Variants in LEPR observed in about 807,000 individuals in gnomAD.
LEPR encodes leptin receptor.
A neutral mutation model predicts 114.7 loss-of-function variants in LEPR; 56 were observed. That is an observed-to-expected ratio of 0.49 (90% confidence interval 0.39 to 0.61). The LOEUF is 0.61. LEPR is among the 20% of genes least tolerant of loss of function. The pLI is 0.00. For missense variants in LEPR, 1,202 were observed against 1,352.9 expected, an observed-to-expected ratio of 0.89 and a Z score of 1.75; for synonymous variants, 443 against 461.4, an observed-to-expected ratio of 0.96 and a Z score of 0.51.
intron 2 of LEPR, among the ~76,000 whole-genome samples, chr1:65,549,122 T>C (rs1652051803): frequency 6.6e-6 from 1 of 151,660 alleles, no homozygotes; most frequent in South Asian, 2.1e-4. Flanking sequence ...TCTTTAAGAA[T>C]GTTGAATATT....
intron 1 of LEPR, among the ~76,000 whole-genome samples, chr1:65,422,599 A>G (rs976444172): frequency 1.3e-5 from 2 of 152,248 alleles, no homozygotes; most frequent in African/African-American, 4.8e-5. Context: ...GCGATGCTTG[A>G]ACTGAATCTG....
intron 2 of LEPR, chr1:65,433,976 C>T (rs1646523192): frequency 3.0e-6 from 3 of 985,300 alleles, no homozygotes; most frequent in South Asian, 9.4e-5. Context: ...TGTGCAATAG[C>T]TTTTCTTTCT....
chr1:65,532,922 A>G (rs554671299), intron 2 of LEPR, among the ~76,000 whole-genome samples: 87 of 152,300 alleles, frequency 5.7e-4, no homozygotes, highest in African/African-American at 1.7e-3. Context: ...GCTCTGTTAG[A>G]TACATTCACT....
At chr1:65,556,219 A>G (rs908443658) in intron 2 of LEPR, among the ~76,000 whole-genome samples, 4 of 152,148 alleles carry the variant, frequency 2.6e-5, no homozygotes, top group Non-Finnish European at 5.9e-5. Flanking sequence ...ATCTGCTGGC[A>G]TGTTGATCTT....
intron 4 of LEPR, 30 bp from the exon 5 acceptor site, chr1:65,572,287 GTTGTTTTTT>G: frequency 3.1e-6 from 3 of 975,502 alleles, no homozygotes; most frequent in Non-Finnish European, 4.0e-6. Context: ...ATTTCATGTA[GTTGTTTTTT>G]TTTTTTTTTT....
intron 5 of LEPR, among the ~76,000 whole-genome samples, chr1:65,574,953 G>A (rs138144397): frequency 6.6e-6 from 1 of 152,168 alleles, no homozygotes; most frequent in East Asian, 1.9e-4. Context: ...TTGAAGAAAG[G>A]ACCCGGAAGA....
chr1:65,600,182 C>T (rs929903034), intron 8 of LEPR, among the ~76,000 whole-genome samples: 7 of 151,946 alleles, frequency 4.6e-5, no homozygotes, highest in Admixed American at 2.0e-4. Context: ...GAGGTTGTGG[C>T]GCATACTGAA....
chr1:65,623,043 C>A (rs1215519250), intron 19 of LEPR, 62 bp downstream of exon 19: 12 of 1,481,362 alleles, frequency 8.1e-6, no homozygotes, highest in Non-Finnish European at 1.0e-5. Context: ...CGCCATATGA[C>A]TTATAGAGCA....
At chr1:65,498,421 T>A (rs1180265482) in intron 2 of LEPR, among the ~76,000 whole-genome samples, 1 of 152,136 alleles carries the variant, frequency 6.6e-6, no homozygotes, top group Non-Finnish European at 1.5e-5. Context: ...GAAATTACTT[T>A]TTTTTTCTGT....
intron 18 of LEPR, 56 bp downstream of exon 18, chr1:65,621,514 C>A: frequency 6.9e-7 from 1 of 1,440,934 alleles, no homozygotes; most frequent in Non-Finnish European, 9.7e-7. Flanking sequence ...CGTATTCAAA[C>A]CCTGATTTAA....
chr1:65,603,413 G>T (rs1359208895), intron 10 of LEPR, among the ~76,000 whole-genome samples: 5 of 151,994 alleles, frequency 3.3e-5, no homozygotes, highest in Admixed American at 6.6e-5. Flanking sequence ...AAAAGAAGTG[G>T]TATAGAAAAT....
chr1:65,442,917 G>A (rs1463546578), intron 2 of LEPR, among the ~76,000 whole-genome samples: 2 of 152,040 alleles, frequency 1.3e-5, no homozygotes, highest in Non-Finnish European at 2.9e-5. Flanking sequence ...GGAGCCTGAG[G>A]ATCCTGAATC....
intron 2 of LEPR, among the ~76,000 whole-genome samples, chr1:65,538,826 C>T (rs537804336): frequency 6.6e-6 from 1 of 151,834 alleles, no homozygotes; most frequent in African/African-American, 2.4e-5. Flanking sequence ...GCCTGGTAGC[C>T]ATATTTTTCA....
chr1:65,579,721 C>A (rs1473210031), intron 5 of LEPR, among the ~76,000 whole-genome samples: 1 of 152,036 alleles, frequency 6.6e-6, no homozygotes, highest in Non-Finnish European at 1.5e-5. Context: ...AGTTTTAAAG[C>A]CCCGTGAATA....
intron 1 of LEPR, 78 bp from the exon 2 acceptor site, chr1:65,425,225 C>T (rs995479031): frequency 1.1e-5 from 13 of 1,226,930 alleles, no homozygotes; most frequent in Non-Finnish European, 1.3e-5. Context: ...TTAGAAGTCA[C>T]TCCCCATTTC....
At chr1:65,502,832 T>C (rs1472236463) in intron 2 of LEPR, among the ~76,000 whole-genome samples, 2 of 149,994 alleles carry the variant, frequency 1.3e-5, no homozygotes, top group African/African-American at 4.9e-5. Flanking sequence ...CCAGTGGGGC[T>C]GAAATGTATA....
chr1:65,569,864 T>C (rs1654035726), intron 3 of LEPR, among the ~76,000 whole-genome samples: 1 of 152,134 alleles, frequency 6.6e-6, no homozygotes, highest in East Asian at 1.9e-4. Context: ...TTTGCATCAT[T>C]TTTTGTGTAA....
intron 2 of LEPR, among the ~76,000 whole-genome samples, chr1:65,565,238 G>C (rs1205981771): frequency 6.6e-6 from 1 of 152,130 alleles, no homozygotes; most frequent in Non-Finnish European, 1.5e-5. Flanking sequence ...TCAACATTGT[G>C]AGCACTTGCA....
At chr1:65,434,242 T>G (rs1030394598) in intron 2 of LEPR, 2 of 978,464 alleles carry the variant, frequency 2.0e-6, no homozygotes, top group African/African-American at 3.5e-5. Flanking sequence ...ATAGGAAATA[T>G]TGCTATATCT....
Sources: gnomAD v4.1 joint callset for allele counts (sites outside exome capture counted in the v4.1 genomes callset) on GRCh38, gnomAD v4.1.1 for gene constraint, MANE v1.5 for transcripts, NCBI Gene and HGNC (gene_info 2026-07-23, HGNC 2026-07-21) for gene names.